The following GRIK2 variants were observed in gnomAD, a reference collection of about 807,000 sequenced individuals.
GRIK2 encodes glutamate ionotropic receptor kainate type subunit 2.
A neutral mutation model predicts 100.3 loss-of-function variants in GRIK2; 32 were observed. The ratio of observed to expected loss-of-function variants is 0.32; its 90% CI spans 0.24 to 0.43. The LOEUF is 0.43. GRIK2 is among the 20% of genes least tolerant of loss of function. The pLI is 1.00. For missense variants in GRIK2, 843 were observed against 1,114.9 expected (o/e 0.76, Z 3.47); for synonymous variants, 417 against 389.4 (o/e 1.07, Z -0.83).
chr6:101,861,780 CTTGACCCCTAAAGTT>C (rs1165538899), intron 11 of GRIK2, among the ~76,000 whole-genome samples: 1 of 152,082 alleles, frequency 6.6e-6, no homozygotes, highest in Admixed American at 6.6e-5. Context: ...GGACAAAGCT[CTTGACCCCTAAAGTT>C]TTGATGAAAA....
At chr6:101,905,595 A>G (rs768643228) in intron 12 of GRIK2, among the ~76,000 whole-genome samples, 1 of 151,574 alleles carries the variant, frequency 6.6e-6, no homozygotes, top group Non-Finnish European at 1.5e-5. Context: ...TTGAGATTAT[A>G]TAAATTCATA....
chr6:102,026,608 C>G (rs1323863851), intron 14 of GRIK2, among the ~76,000 whole-genome samples: 1 of 151,156 alleles, frequency 6.6e-6, no homozygotes, highest in African/African-American at 2.4e-5. Flanking sequence ...TTTCAACTAC[C>G]TAAAAAGGAT....
At chr6:102,065,723 T>A (rs1771984808) in intron 16 of GRIK2, 1 of 891,218 alleles carries the variant, frequency 1.1e-6, no homozygotes, top group Admixed American at 2.6e-5. Context: ...CTATAACAAT[T>A]TTAAATGTCA....
intron 2 of GRIK2, among the ~76,000 whole-genome samples, chr6:101,423,700 A>G (rs181526296): frequency 1.3e-5 from 2 of 152,274 alleles, no homozygotes; most frequent in Admixed American, 1.3e-4. Context: ...CAGTTTTGAT[A>G]TTAATCCCTT....
chr6:101,862,473 G>A (rs1019129445), intron 11 of GRIK2, among the ~76,000 whole-genome samples: 1 of 152,038 alleles, frequency 6.6e-6, no homozygotes, highest in Non-Finnish European at 1.5e-5. Context: ...CTGTGACTTA[G>A]ACTAGGGTTC....
At chr6:101,437,860 G>A (rs1769824576) in intron 2 of GRIK2, among the ~76,000 whole-genome samples, 1 of 151,982 alleles carries the variant, frequency 6.6e-6, no homozygotes, top group East Asian at 1.9e-4. Context: ...ACCCTTCCAA[G>A]ATCACTCCTC....
chr6:102,028,974 A>G (rs1354516831), intron 14 of GRIK2, among the ~76,000 whole-genome samples: 4 of 151,282 alleles, frequency 2.6e-5, no homozygotes. Context: ...TGCTAATAGA[A>G]AATTATTTTA....
intron 10 of GRIK2, among the ~76,000 whole-genome samples, chr6:101,847,342 G>T (rs1306539480): frequency 6.6e-6 from 1 of 150,624 alleles, no homozygotes; most frequent in Non-Finnish European, 1.5e-5. Flanking sequence ...ACTTTTTTTT[G>T]GTTAAAAAAT....
At chr6:101,795,540 G>A (rs1187048048) in intron 7 of GRIK2, among the ~76,000 whole-genome samples, 3 of 152,212 alleles carry the variant, frequency 2.0e-5, no homozygotes, top group Non-Finnish European at 4.4e-5. Flanking sequence ...GTTCAGTAGT[G>A]GCAGCAGTGG....
chr6:101,485,880 A>G (rs1772793549), intron 2 of GRIK2, among the ~76,000 whole-genome samples: 1 of 151,510 alleles, frequency 6.6e-6, no homozygotes. Context: ...TGGTTGGTAT[A>G]AAACGTAATT....
chr6:101,548,881 C>G (rs1776377439), intron 2 of GRIK2, among the ~76,000 whole-genome samples: 1 of 152,128 alleles, frequency 6.6e-6, no homozygotes, highest in African/African-American at 2.4e-5. Flanking sequence ...TCTCCTCATG[C>G]TTTTTTCTTA....
chr6:101,584,119 A>T (rs1263058457), intron 2 of GRIK2, among the ~76,000 whole-genome samples: 1 of 152,044 alleles, frequency 6.6e-6, no homozygotes, highest in Non-Finnish European at 1.5e-5. Context: ...AAAAAATATG[A>T]TTATAACATT....
At chr6:101,911,449 G>T (rs1376230734) in intron 12 of GRIK2, among the ~76,000 whole-genome samples, 1 of 151,220 alleles carries the variant, frequency 6.6e-6, no homozygotes. Flanking sequence ...AATGTATTTG[G>T]GTAGCTTTAT....
intron 2 of GRIK2, among the ~76,000 whole-genome samples, chr6:101,456,687 G>GGA (rs1554202600): frequency 1.9e-4 from 28 of 150,368 alleles, no homozygotes; most frequent in Admixed American, 1.5e-3. Context: ...GCTTAATTTG[G>GGA]AAAAAAAAAC....
chr6:101,553,992 C>G (rs1033636740), intron 2 of GRIK2, among the ~76,000 whole-genome samples: 3 of 152,174 alleles, frequency 2.0e-5, no homozygotes, highest in Admixed American at 2.0e-4. Flanking sequence ...CTTCCCTGTC[C>G]ATAGTTGACT....
chr6:101,531,621 C>CT (rs537408613), intron 2 of GRIK2, among the ~76,000 whole-genome samples: 104 of 151,870 alleles, frequency 6.8e-4, no homozygotes, highest in African/African-American at 2.2e-3. Context: ...AGGGCAGTCT[C>CT]TTTTTTGTAT....
intron 2 of GRIK2, among the ~76,000 whole-genome samples, chr6:101,615,409 A>G (rs1019782282): frequency 1.3e-5 from 2 of 151,798 alleles, no homozygotes; most frequent in Non-Finnish European, 1.5e-5. Context: ...GAATTAGATG[A>G]TAACTACACA....
intron 12 of GRIK2, among the ~76,000 whole-genome samples, chr6:101,900,903 C>G (rs1787804317): frequency 1.4e-5 from 2 of 146,832 alleles, no homozygotes; most frequent in Admixed American, 1.4e-4. Flanking sequence ...ACTGAGTGTC[C>G]TTGTTTTTTT....
At chr6:101,895,742 A>G (rs968786152) in intron 12 of GRIK2, among the ~76,000 whole-genome samples, 13 of 151,774 alleles carry the variant, frequency 8.6e-5, no homozygotes, top group Non-Finnish European at 1.5e-5. Flanking sequence ...TTAACTTTCC[A>G]TAACATAACT....
Sources: gnomAD v4.1 joint callset for allele counts (sites outside exome capture counted in the v4.1 genomes callset) on GRCh38, gnomAD v4.1.1 for gene constraint, MANE v1.5 for transcripts, NCBI Gene and HGNC (gene_info 2026-07-23, HGNC 2026-07-21) for gene names.